PCDHA2: variants seen among roughly 807,000 people sequenced by gnomAD.
The protein encoded by PCDHA2 is protocadherin alpha-2.
In PCDHA2, 58 loss-of-function variants were observed where a neutral mutation model predicts 66.0. The ratio of observed to expected loss-of-function variants is 0.88; its 90% CI spans 0.71 to 1.09. The LOEUF (loss-of-function observed/expected upper bound fraction) is 1.09. PCDHA2 is among the 50% of genes least tolerant of loss of function. The probability of loss-of-function intolerance (pLI) is 0.00; values close to 1 mark genes in which losing one functional copy is unlikely to be tolerated. For missense variants in PCDHA2, 1,267 were observed against 1,242.3 expected, an observed-to-expected ratio of 1.02 and a Z score of -0.30; for synonymous variants, 634 against 554.0, an observed-to-expected ratio of 1.14 and a Z score of -2.03.
intron 1 of PCDHA2, chr5:140,850,265 G>A (rs2150476543): frequency 1.3e-6 from 2 of 1,594,610 alleles, no homozygotes; most frequent in Admixed American, 1.7e-5. Context: ...CCGGCGTAGT[G>A]GTGGGGAAGG....
intron 1 of PCDHA2, chr5:140,883,569 C>A (rs781786717): frequency 1.9e-6 from 3 of 1,614,134 alleles, no homozygotes; most frequent in South Asian, 2.2e-5. Flanking sequence ...GGCTCGCCTT[C>A]GCTGTGGGCC....
chr5:141,003,520 C>T (rs1171208921), intron 3 of PCDHA2, among the ~76,000 whole-genome samples: 2 of 152,126 alleles, frequency 1.3e-5, no homozygotes, highest in Admixed American at 6.5e-5. Flanking sequence ...ACCATGTTCC[C>T]TAGGCTGGTC....
At chr5:140,807,965 T>C (rs1764072743) in intron 1 of PCDHA2, 4 of 1,613,838 alleles carry the variant, frequency 2.5e-6, no homozygotes, top group Non-Finnish European at 3.4e-6. Flanking sequence ...TAATGGAACA[T>C]TGGTAATTAA....
At chr5:140,843,925 C>A in intron 1 of PCDHA2, 1 of 594,474 alleles carries the variant, frequency 1.7e-6, no homozygotes, top group Non-Finnish European at 2.9e-6. Flanking sequence ...TCTTGAAACT[C>A]AAGTTATGGT....
At chr5:140,952,088 A>G (rs2094684736) in intron 1 of PCDHA2, among the ~76,000 whole-genome samples, 1 of 152,154 alleles carries the variant, frequency 6.6e-6, no homozygotes, top group South Asian at 2.1e-4. Flanking sequence ...TCCATGTCTC[A>G]CATCCAGGGC....
At chr5:140,884,033 C>T in intron 1 of PCDHA2, 1 of 1,613,402 alleles carries the variant, frequency 6.2e-7, no homozygotes, top group Non-Finnish European at 8.5e-7. Context: ...GGGTGCAGGC[C>T]ACGTGGTGGC....
chr5:140,803,401 G>A (rs782279690), intron 1 of PCDHA2: 7 of 1,614,224 alleles, frequency 4.3e-6, no homozygotes, highest in African/African-American at 1.3e-5. Context: ...TGTGGGCCGG[G>A]CAAGCCCACG....
intron 1 of PCDHA2, chr5:140,807,133 T>G: frequency 2.6e-6 from 4 of 1,559,192 alleles, no homozygotes; most frequent in Non-Finnish European, 3.5e-6. Flanking sequence ...ATTAAAAGAT[T>G]TCCCTTGACT....
chr5:140,941,111 G>T (rs1477407055), intron 1 of PCDHA2, among the ~76,000 whole-genome samples: 2 of 152,090 alleles, frequency 1.3e-5, no homozygotes, highest in Non-Finnish European at 2.9e-5. Context: ...TTACTGGAAA[G>T]ATTAGTCCTT....
At chr5:140,979,564 A>G (rs1267870261) in intron 2 of PCDHA2, among the ~76,000 whole-genome samples, 2 of 152,222 alleles carry the variant, frequency 1.3e-5, no homozygotes, top group Non-Finnish European at 2.9e-5. Context: ...AAGATGAGCC[A>G]TGTAAAGGGC....
chr5:140,852,196 G>A lies in PCDHA2; in HGVS notation c.2388+54844G>A, dbSNP rs2150513230. The A allele has an allele frequency of 3.1e-5, 22 of 707,012 alleles. 1 individual carries two copies. The highest frequency in any genetic ancestry group is 1.9e-4 in the African/African-American group (10 of 51,666). The allele number at this position is 707,012 out of a possible 1,614,324, so 43.8% of individuals were successfully genotyped here. On this transcript the variant is annotated intron_variant, in intron 1 of 3. Transcript: ENST00000526136. ...AAATAACTATGAAAATGCCAGTAAC[G>A]TTTATTTAAAACAAAATATTTTAAT... is the stretch of plus-strand genomic sequence containing the variant.
intron 1 of PCDHA2, chr5:140,861,164 C>G (rs2046783856): frequency 6.4e-6 from 1 of 156,700 alleles, no homozygotes; most frequent in African/African-American, 2.4e-5. Flanking sequence ...CAAAAGGTCT[C>G]AGAGGAACTA....
chr5:140,948,345 A>G (rs1476053305), intron 1 of PCDHA2, among the ~76,000 whole-genome samples: 3 of 151,554 alleles, frequency 2.0e-5, no homozygotes, highest in African/African-American at 7.2e-5. Context: ...TAGTATTTCT[A>G]ACCTAATAAA....
chr5:140,991,019 T>G (rs1333119856), intron 3 of PCDHA2, among the ~76,000 whole-genome samples: 1 of 152,178 alleles, frequency 6.6e-6, no homozygotes, highest in Non-Finnish European at 1.5e-5. Flanking sequence ...GATAAGCACT[T>G]TACATATGTT....
At chr5:140,952,185 T>C (rs1354216964) in intron 1 of PCDHA2, among the ~76,000 whole-genome samples, 1 of 152,010 alleles carries the variant, frequency 6.6e-6, no homozygotes, top group Non-Finnish European at 1.5e-5. Context: ...GCTGCTCTCA[T>C]GGGTTGGTGT....
At chr5:140,812,281 A>G (rs1488791435) in intron 1 of PCDHA2, 2 of 151,894 alleles carry the variant, frequency 1.3e-5, no homozygotes, top group African/African-American at 4.8e-5. Context: ...CTTCTAGGTT[A>G]TTGAATTTTT....
chr5:140,937,511 G>A (rs569896730), intron 1 of PCDHA2, among the ~76,000 whole-genome samples: 2 of 152,166 alleles, frequency 1.3e-5, no homozygotes, highest in Non-Finnish European at 2.9e-5. Context: ...CAGCTACTCA[G>A]GAGGCTGAGG....
intron 1 of PCDHA2, among the ~76,000 whole-genome samples, chr5:140,880,631 A>T (rs1048791670): frequency 6.6e-6 from 1 of 152,206 alleles, no homozygotes; most frequent in Non-Finnish European, 1.5e-5. Context: ...GTTAATTATC[A>T]ATTCACTTGA....
intron 1 of PCDHA2, chr5:140,828,655 C>A (rs1769872389): frequency 6.2e-7 from 1 of 1,614,110 alleles, no homozygotes; most frequent in Non-Finnish European, 8.5e-7. Context: ...ACAGTGATGA[C>A]AATAAACAAA....
Sources: gnomAD v4.1 joint callset for allele counts (sites outside exome capture counted in the v4.1 genomes callset) on GRCh38, gnomAD v4.1.1 for gene constraint, MANE v1.5 for transcripts, NCBI Gene and HGNC (gene_info 2026-07-23, HGNC 2026-07-21) for gene names.